NLRC3: variants seen among roughly 807,000 people sequenced by gnomAD.
NLRC3 encodes the protein NLR family CARD domain containing 3, also known as NLR family CARD domain-containing protein 3.
In NLRC3, 87 loss-of-function variants were observed where a neutral mutation model predicts 91.6. That is an observed-to-expected ratio of 0.95 (90% CI 0.80 to 1.14). The LOEUF (loss-of-function observed/expected upper bound fraction) is 1.14. NLRC3 is among the 50% of genes most tolerant of loss of function. The pLI is 0.00. For synonymous variants in NLRC3, 694 were observed against 625.3 expected (o/e 1.11, Z -1.64); for missense variants, 1,577 against 1,418.6 (o/e 1.11, Z -1.79).
At chr16:3,567,736 C>T (rs1298971071) in intron 1 of NLRC3, among the ~76,000 whole-genome samples, 3 of 123,258 alleles carry the variant, frequency 2.4e-5, no homozygotes, top group African/African-American at 9.5e-5. Flanking sequence ...CACGCCACTG[C>T]ACTCCAGCCT....
chr16:3,556,241 G>GA (rs1287533342), intron 8 of NLRC3, among the ~76,000 whole-genome samples: 1 of 131,154 alleles, frequency 7.6e-6, no homozygotes, highest in African/African-American at 2.8e-5. Flanking sequence ...TGAGGCAGGA[G>GA]AATCGCTTAA....
Position 3,563,649 on chromosome 16 carries a change from G to A in NLRC3, c.1288C>T (p.Leu430=). ...AAGCAGCTGCACGGGGCGCCCTGCA[G>A]CAGAGCGAGGTCTACACCAAACGCC... ...MKAFGVDLAL[L]QGAPCSCFLQ... Residue 430 remains leucine, a synonymous_variant, in exon 5 of 20, where the codon CTG becomes TTG. Coordinates refer to ENST00000359128, the MANE Select transcript of NLRC3 (RefSeq NM_178844.4). 1.9e-6 allele frequency: 3 copies of A among 1,613,320 alleles called. No individual in the cohort carries two copies. The highest frequency in any genetic ancestry group is 2.5e-6 in the Non-Finnish European group (3 of 1,179,780).
rs1197185908 is a variant in NLRC3, at chr16:3,539,292, G to C, written c.*2533C>G. ...ATTGGGGACTCCTTTAATTGGAAGG[G>C]AGCTAAAGGGTCTACCTCCTACCTA... On this transcript the variant is annotated 3_prime_UTR_variant, in exon 20 of 20. Transcript: ENST00000359128. 1 of 152,174 alleles carries C rather than the reference G, an allele frequency of 6.6e-6. No individual in the cohort carries two copies. The highest frequency in any genetic ancestry group is 1.5e-5 in the Non-Finnish European group (1 of 68,044). The allele number at this position is 152,174 out of a possible 1,614,324, so 9.4% of individuals were successfully genotyped here. A position where few individuals can be genotyped will look rare whatever the true frequency, so the allele number is the denominator to read the frequency against.
chr16:3,574,540 C>T (rs985686239), intron 1 of NLRC3, among the ~76,000 whole-genome samples: 1 of 152,132 alleles, frequency 6.6e-6, no homozygotes, highest in Non-Finnish European at 1.5e-5. Flanking sequence ...AGGGGGCTGG[C>T]AAGCACCCCT....
At chr16:3,559,049 G>A (rs796768269) in intron 6 of NLRC3, among the ~76,000 whole-genome samples, 2 of 152,158 alleles carry the variant, frequency 1.3e-5, no homozygotes, top group Admixed American at 1.3e-4. Context: ...TGGAATTACA[G>A]GCATGAGCCA....
At chr16:3,576,111 G>C (rs1003366221) in intron 1 of NLRC3, among the ~76,000 whole-genome samples, 2 of 152,018 alleles carry the variant, frequency 1.3e-5, no homozygotes, top group African/African-American at 4.8e-5. Flanking sequence ...GAAGAAGAGG[G>C]GTGCAGCCTG....
chr16:3,570,291 A>G (rs1382366459), intron 1 of NLRC3, among the ~76,000 whole-genome samples: 1 of 152,190 alleles, frequency 6.6e-6, no homozygotes, highest in Non-Finnish European at 1.5e-5. Context: ...AAGATAAGGA[A>G]TATCTGTTAA....
intron 8 of NLRC3, among the ~76,000 whole-genome samples, chr16:3,554,717 A>G (rs1012494035): frequency 6.6e-6 from 1 of 152,160 alleles, no homozygotes; most frequent in Non-Finnish European, 1.5e-5. Context: ...GCAGGTCCTT[A>G]AAAGGTTAAA....
intron 14 of NLRC3, 135 bp downstream of exon 14, chr16:3,548,535 G>A: frequency 4.5e-6 from 3 of 672,216 alleles, no homozygotes. Context: ...CTGGCAGCAG[G>A]CTAGCCCGGG....
rs35126359 is a variant in NLRC3, at chr16:3,574,007, C to CTTTTTT, written c.-169+3136_-169+3141dup. Among the ~76,000 whole-genome samples, 131 of 40,422 alleles carry CTTTTTT rather than the reference C, an allele frequency of 3.2e-3. 4 individuals are homozygous for CTTTTTT. The highest frequency in any genetic ancestry group is 0.025 in the Middle Eastern group (1 of 40). The allele number at this position is 40,422 out of a possible 152,430, so 26.5% of individuals were successfully genotyped here. On this transcript the variant is annotated intron_variant, in intron 1 of 19. Coordinates refer to ENST00000359128, the MANE Select transcript of NLRC3 (RefSeq NM_178844.4). ...GCTTGGCCCATTGTAACCATTTTAT[C>CTTTTTT]TTTTTTTTTTTTTTTTTTTTTTTTT... is the stretch of plus-strand genomic sequence containing the variant.
intron 6 of NLRC3, among the ~76,000 whole-genome samples, chr16:3,558,720 T>A (rs1369927633): frequency 3.3e-5 from 5 of 152,188 alleles, no homozygotes; most frequent in Non-Finnish European, 7.3e-5. Context: ...TTGCCGTTTG[T>A]AGGCATTCAG....
chr16:3,553,087 C>T (rs1307969761), intron 9 of NLRC3, among the ~76,000 whole-genome samples: 6 of 152,212 alleles, frequency 3.9e-5, no homozygotes, highest in East Asian at 1.9e-4. Context: ...GCAGGCAGGA[C>T]GTCTCCTGTG....
chr16:3,542,014 G>A (rs905775820), intron 19 of NLRC3, 99 bp from the exon 20 acceptor site: 1 of 827,526 alleles, frequency 1.2e-6, no homozygotes, highest in Non-Finnish European at 2.0e-6. Context: ...CAAAGCCTTT[G>A]TGCTTCTAGG....
Position 3,564,820 on chromosome 16 carries a change from T to G in NLRC3, c.178+39A>C, listed in dbSNP as rs1457482744. The G allele has an allele frequency of 1.9e-6, 3 of 1,578,640 alleles. No homozygotes were observed. The highest frequency in any genetic ancestry group is 1.7e-5 in the Admixed American group (1 of 58,308). ...GAAGAGTGGGCACAATCAGCCCAGG[T>G]GTTCCCCACCCCGCGTCTGCCTCCC... On this transcript the variant is annotated intron_variant, in intron 4 of 19. Coordinates refer to ENST00000359128, the MANE Select transcript of NLRC3 (RefSeq NM_178844.4). This position sits in a 1 kb window ranked among gnomAD's most constrained non-coding sequence, Gnocchi z 5.9.
intron 5 of NLRC3, among the ~76,000 whole-genome samples, chr16:3,562,014 C>T (rs1332937166): frequency 2.0e-5 from 3 of 152,192 alleles, no homozygotes; most frequent in African/African-American, 7.2e-5. Context: ...CACGGGCTGT[C>T]GTCCTCACCA....
chr16:3,565,040 G>A lies in NLRC3; in HGVS notation c.-4C>T. The A allele has an allele frequency of 6.2e-7, 1 of 1,608,182 alleles. No individual in the cohort carries two copies. ...TCCGCACCTCTTGCTTCCTCATGGA[G>A]TCGGGGATCACCTCCAGGAGCTGTG... On this transcript the variant is annotated 5_prime_UTR_variant, in exon 4 of 20. Coordinates refer to ENST00000359128, the MANE Select transcript of NLRC3 (RefSeq NM_178844.4).
At position 3,563,036 on chromosome 16, in the gene NLRC3, G is replaced by C. The variant is rs1398480608; in HGVS notation, c.1901C>G (p.Pro634Arg). Residue 634 changes from proline (P) to arginine (R), a missense_variant, in exon 5 of 20, where the codon CCC becomes CGC. Transcript: ENST00000359128. ...GAGCTTCCGGCAGTAGAGCAGCTGG[G>C]GCAGCAGGCTCTGAAGGACGCCCTG... ...LSQGVLQSLL[P>R]QLLYCRKLRL... is the part of the protein sequence containing the mutation. 2.6e-6 allele frequency: 4 copies of C among 1,557,054 alleles called. No individual in the cohort carries two copies. The highest frequency in any genetic ancestry group is 3.9e-5 in the Admixed American group (2 of 51,848).
At chr16:3,556,016 A>G (rs893019737) in intron 8 of NLRC3, 19 of 151,004 alleles carry the variant, frequency 1.3e-4, no homozygotes, top group African/African-American at 4.1e-4. Context: ...AAGTATAGAT[A>G]TAACCACAGG....
At chr16:3,548,569 G>A (rs2038819685) in intron 14 of NLRC3, 101 bp downstream of exon 14, 2 of 883,466 alleles carry the variant, frequency 2.3e-6, no homozygotes, top group South Asian at 1.6e-5. Flanking sequence ...CTTTGCAGGG[G>A]GTGTCCCCAA....
Sources: allele counts gnomAD v4.1 joint callset (sites outside exome capture counted in the v4.1 genomes callset), GRCh38; gene constraint gnomAD v4.1.1; non-coding constraint Gnocchi (gnomAD v3.1); transcripts MANE v1.5; gene names NCBI Gene and HGNC (gene_info 2026-07-23, HGNC 2026-07-21).